The following IFIH1 variants were observed in gnomAD, a reference collection of about 807,000 sequenced individuals.
IFIH1 encodes interferon induced with helicase C domain 1, also known as interferon-induced helicase C domain-containing protein 1.
In IFIH1, 125 loss-of-function variants were observed where a neutral mutation model predicts 107.4. That is an observed-to-expected ratio of 1.16 (90% CI 1.01 to 1.35). The LOEUF (loss-of-function observed/expected upper bound fraction) is 1.35, where lower values mean the gene tolerates loss of function less well. Among genes scored for constraint, IFIH1 ranks in the 40% most tolerant of loss-of-function variants. IFIH1 has a pLI of 0.00. For synonymous variants in IFIH1, 458 were observed against 413.2 expected (o/e 1.11, Z -1.31); for missense variants, 1,333 against 1,213.7 (o/e 1.10, Z -1.46).
chr2:162,291,428 G>T (rs1682995404), intron 4 of IFIH1, among the ~76,000 whole-genome samples: 1 of 151,344 alleles, frequency 6.6e-6, no homozygotes, highest in Non-Finnish European at 1.5e-5. Flanking sequence ...TACATATCAG[G>T]CCAATATGTA....
chr2:162,298,344 G>C (rs1054878265), intron 3 of IFIH1, among the ~76,000 whole-genome samples: 17 of 152,090 alleles, frequency 1.1e-4, no homozygotes, highest in Admixed American at 9.8e-4. Context: ...CCCGAAAAGT[G>C]GTTTTGCATT....
chr2:162,285,434 G>T (rs1321983069), intron 5 of IFIH1, among the ~76,000 whole-genome samples: 1 of 151,956 alleles, frequency 6.6e-6, no homozygotes, highest in African/African-American at 2.4e-5. Flanking sequence ...AGGTTACTTA[G>T]ACTTACTGGG....
chr2:162,302,922 T>C (rs548475916), intron 3 of IFIH1, among the ~76,000 whole-genome samples: 11 of 152,294 alleles, frequency 7.2e-5, no homozygotes, highest in South Asian at 6.2e-4. Context: ...AGAAGACCAT[T>C]AAGATGTTTG....
intron 2 of IFIH1, 99 bp downstream of exon 2, chr2:162,310,666 C>A: frequency 1.1e-6 from 1 of 948,448 alleles, no homozygotes; most frequent in South Asian, 1.5e-5. Context: ...AATTTTGATT[C>A]TAAAAATCTT....
intron 3 of IFIH1, among the ~76,000 whole-genome samples, chr2:162,303,907 T>C (rs1576236051): frequency 6.6e-6 from 1 of 152,170 alleles, no homozygotes; most frequent in Non-Finnish European, 1.5e-5. Context: ...TAGCTCCATC[T>C]TCCCTTCTTT....
At chr2:162,314,416 T>TTTTCTTTTCTTTCTTTC (rs1553461354) in intron 1 of IFIH1, among the ~76,000 whole-genome samples, 2 of 51,444 alleles carry the variant, frequency 3.9e-5, no homozygotes, top group Non-Finnish European at 6.9e-5. Flanking sequence ...TCTTTCTTTC[T>TTTTCTTTTCTTTCTTTC]TTTCTTTCTT....
In IFIH1 at chr2:162,318,159, ACTGTC is replaced by A; in HGVS notation, c.144_148del (p.Arg48SerfsTer11). ...TGCCTGCATGTTCCCGGAGGTGGCG[ACTGTC>A]CTCTGAATCTGCTCCTTCACCTCTG... is the stretch of plus-strand genomic sequence containing the variant. On this transcript the variant is annotated frameshift_variant, in exon 1 of 16. Transcript: ENST00000649979. LOFTEE classifies it high-confidence loss of function. 1 of 1,614,154 alleles carries A rather than the reference ACTGTC, an allele frequency of 6.2e-7. No individual in the cohort carries two copies.
chr2:162,268,039 G>C, intron 14 of IFIH1, 48 bp downstream of exon 14: 1 of 1,342,946 alleles, frequency 7.4e-7, no homozygotes, highest in South Asian at 1.4e-5. Context: ...AATGCAACCT[G>C]CTTCACCCCT....
intron 13 of IFIH1, among the ~76,000 whole-genome samples, chr2:162,271,484 C>G (rs896348888): frequency 1.3e-5 from 2 of 151,758 alleles, no homozygotes. Flanking sequence ...AGAGGGATAG[C>G]ATTAAGAGAA....
chr2:162,278,474 G>C (rs1215727214), intron 8 of IFIH1, 146 bp from the exon 9 acceptor site: 5 of 515,018 alleles, frequency 9.7e-6, no homozygotes, highest in Non-Finnish European at 1.7e-5. Context: ...TCACTTGTCT[G>C]TACATTTATT....
rs1018712289 is a variant in IFIH1, at chr2:162,281,420, C to A, written c.1432G>T (p.Val478Leu). 1 of 1,612,600 alleles carries A rather than the reference C, an allele frequency of 6.2e-7. No homozygotes were observed. Among genetic ancestry groups the A allele is most frequent in the African/African-American group, 1.3e-5 (1 of 74,808 alleles). ...NNRLKKENKP[V>L]IPLPQILGLT... The stretch of plus-strand genomic sequence containing the variant: ...CCCAGTATCTGAGGAAGGGGAATCA[C>A]TGGTTTGTTTTCTTTCTTGAGTCTA... The change falls in exon 7 of 16, where the codon GTG becomes TTG. Residue 478 changes from valine (V) to leucine (L), a missense_variant. By Grantham distance (32) the Val-to-Leu change is conservative. Coordinates refer to ENST00000649979, the MANE Select transcript of IFIH1 (RefSeq NM_022168.4).
chr2:162,298,060 AAAAT>A (rs1056079751), intron 3 of IFIH1, among the ~76,000 whole-genome samples: 5 of 152,158 alleles, frequency 3.3e-5, no homozygotes, highest in African/African-American at 7.2e-5. Context: ...CAAACCAAAA[AAAAT>A]AAATAAATAA....
At chr2:162,288,453 C>T (rs1247508131) in intron 4 of IFIH1, 98 bp from the exon 5 acceptor site, 3 of 774,972 alleles carry the variant, frequency 3.9e-6, no homozygotes, top group Admixed American at 4.9e-5. Context: ...CTTTAAACTC[C>T]TTTTCACATG....
At chr2:162,312,150 T>C (rs1683394484) in intron 1 of IFIH1, among the ~76,000 whole-genome samples, 1 of 152,214 alleles carries the variant, frequency 6.6e-6, no homozygotes, top group Non-Finnish European at 1.5e-5. Flanking sequence ...ATATATTCCA[T>C]AACCTTTTAT....
At chr2:162,296,397 T>C (rs750506106) in intron 3 of IFIH1, among the ~76,000 whole-genome samples, 7 of 152,172 alleles carry the variant, frequency 4.6e-5, no homozygotes, top group Non-Finnish European at 7.4e-5. Context: ...AATTTCATTT[T>C]AATCTCTCAA....
At chr2:162,307,601 CA>C (rs1426439752) in intron 2 of IFIH1, among the ~76,000 whole-genome samples, 1 of 152,108 alleles carries the variant, frequency 6.6e-6, no homozygotes, top group Non-Finnish European at 1.5e-5. Context: ...AAAAGAAAAT[CA>C]AGAGTTTTTG....
Position 162,277,643 on chromosome 2 carries a change from T to C in IFIH1, c.1816A>G (p.Lys606Glu). The C allele has an allele frequency of 6.2e-7, 1 of 1,612,834 alleles. No homozygotes were observed. Among genetic ancestry groups the C allele is most frequent in the South Asian group, 1.1e-5 (1 of 90,942 alleles). The change falls in exon 10 of 16, where the codon AAG becomes GAG. Residue 606 changes from lysine to glutamate, a missense_variant. By Grantham distance (56) the Lys-to-Glu change is moderately conservative. Transcript: ENST00000649979. The stretch of plus-strand genomic sequence containing the variant: ...TTAATTTGTAGGGCCTCATTGTACT[T>C]CCTCAAATGTTCTGCACAAACACGT... Reference protein sequence around the residue: ...KERVCAEHLRKYNEALQINDT... With the variant: ...KERVCAEHLREYNEALQINDT...
intron 4 of IFIH1, among the ~76,000 whole-genome samples, chr2:162,291,454 C>T (rs1558870700): frequency 6.6e-6 from 1 of 151,316 alleles, no homozygotes; most frequent in Non-Finnish European, 1.5e-5. Context: ...AAAAACATTG[C>T]CACTTTTTGA....
At chr2:162,295,256 T>C (rs1200810289) in intron 3 of IFIH1, among the ~76,000 whole-genome samples, 1 of 152,058 alleles carries the variant, frequency 6.6e-6, no homozygotes, top group African/African-American at 2.4e-5. Context: ...TCTGTTCCAA[T>C]AGTTTTTCCT....
Sources: allele counts gnomAD v4.1 joint callset (sites outside exome capture counted in the v4.1 genomes callset), GRCh38; gene constraint gnomAD v4.1.1; transcripts MANE v1.5; gene names NCBI Gene and HGNC (gene_info 2026-07-23, HGNC 2026-07-21).